SRD5A3: variants seen among roughly 807,000 people sequenced by gnomAD.
The protein encoded by SRD5A3 is polyprenal reductase.
SRD5A3 carries 24 observed loss-of-function variants against 34.3 expected under a neutral mutation model. The observed-to-expected ratio is 0.70, with a 90% CI of 0.51 to 0.99. SRD5A3 has a LOEUF of 0.99. Ranked by LOEUF, SRD5A3 falls within the 50% of genes least tolerant of loss-of-function variation. The probability of loss-of-function intolerance (pLI) is 0.00; values close to 1 mark genes in which losing one functional copy is unlikely to be tolerated. For missense variants in SRD5A3, 350 were observed against 388.2 expected, an observed-to-expected ratio of 0.90 and a Z score of 0.83; for synonymous variants, 161 against 167.3, an observed-to-expected ratio of 0.96 and a Z score of 0.29.
intron 1 of SRD5A3, among the ~76,000 whole-genome samples, chr4:55,357,071 A>T (rs964012603): frequency 1.3e-5 from 2 of 152,180 alleles, no homozygotes; most frequent in African/African-American, 4.8e-5. Flanking sequence ...ATCCACAGGG[A>T]TGACTCATTC....
At chr4:55,369,730 CAAA>C (rs3034884) in intron 4 of SRD5A3, 99 bp from the exon 5 acceptor site, 27,533 of 1,255,538 alleles carry the variant, frequency 0.022, 5 homozygotes, top group South Asian at 0.042. Flanking sequence ...GACTTTGCCT[CAAA>C]AAAAAAAAAA....
intron 1 of SRD5A3, among the ~76,000 whole-genome samples, chr4:55,354,623 C>T (rs953642913): frequency 1.3e-5 from 2 of 152,156 alleles, no homozygotes; most frequent in African/African-American, 4.8e-5. Flanking sequence ...GGCCTTTCCC[C>T]AGATAGCCAC....
chr4:55,359,751 C>T (rs180854941), intron 2 of SRD5A3, among the ~76,000 whole-genome samples: 1 of 152,308 alleles, frequency 6.6e-6, no homozygotes, highest in African/African-American at 2.4e-5. Flanking sequence ...GTGTGCAGAA[C>T]TGGCTGCCCT....
At chr4:55,349,192 G>A (rs1282946389) in intron 1 of SRD5A3, among the ~76,000 whole-genome samples, 1 of 152,036 alleles carries the variant, frequency 6.6e-6, no homozygotes, top group East Asian at 1.9e-4. Flanking sequence ...ACACCACCAT[G>A]CCTGGCTAAT....
At chr4:55,359,511 A>G (rs1719598211) in intron 2 of SRD5A3, 23 bp downstream of exon 2, 3 of 1,613,532 alleles carry the variant, frequency 1.9e-6, no homozygotes, top group Non-Finnish European at 2.5e-6. Flanking sequence ...TGGGCTTATG[A>G]CAACGCTGCA....
rs1718987534 is a variant in SRD5A3, at chr4:55,346,284, C to CGGGCTAGCGGGCGGTGGGG, written c.-51_-33dup. On this transcript the variant is annotated 5_prime_UTR_variant, in exon 1 of 5. Transcript: ENST00000264228. Reference sequence around the variant, plus strand: ...CCGCGCGCTAGTGGCCGCTCTTCCGCGGGCTAGCGGGCGGTGGGGGCGCCA... The same window carrying CGGGCTAGCGGGCGGTGGGG: ...CCGCGCGCTAGTGGCCGCTCTTCCGCGGGCTAGCGGGCGGTGGGGGGGCTAGCGGGCGGTGGGGGCGCCA... 1.5e-6 allele frequency: 2 copies of CGGGCTAGCGGGCGGTGGGG among 1,346,004 alleles called. No individual in the cohort carries two copies. Among genetic ancestry groups the CGGGCTAGCGGGCGGTGGGG allele is most frequent in the Non-Finnish European group, 1.9e-6 (2 of 1,051,846 alleles). The allele number at this position is 1,346,004 out of a possible 1,614,324, so 83.4% of individuals were successfully genotyped here. A position where few individuals can be genotyped will look rare whatever the true frequency, so the allele number is the denominator to read the frequency against.
intron 1 of SRD5A3, among the ~76,000 whole-genome samples, chr4:55,355,211 C>T (rs1719404833): frequency 6.6e-6 from 1 of 152,140 alleles, no homozygotes; most frequent in Non-Finnish European, 1.5e-5. Context: ...GTAATCCCAG[C>T]ACTTTGGGAG....
At chr4:55,355,599 C>T (rs918383051) in intron 1 of SRD5A3, among the ~76,000 whole-genome samples, 8 of 152,134 alleles carry the variant, frequency 5.3e-5, no homozygotes, top group African/African-American at 1.9e-4. Flanking sequence ...AGCTTAGCAA[C>T]TTACACAAAA....
At chr4:55,362,288 C>T (rs891539263) in intron 2 of SRD5A3, among the ~76,000 whole-genome samples, 3 of 151,698 alleles carry the variant, frequency 2.0e-5, no homozygotes, top group Non-Finnish European at 2.9e-5. Context: ...CCACCATGCC[C>T]GGCTAATTTT....
intron 2 of SRD5A3, among the ~76,000 whole-genome samples, chr4:55,363,186 C>A (rs1207793248): frequency 6.6e-6 from 1 of 152,018 alleles, no homozygotes; most frequent in Admixed American, 6.6e-5. Context: ...CGTGGTATCT[C>A]ACACCTAAAA....
intron 1 of SRD5A3, 183 bp from the exon 2 acceptor site, chr4:55,359,163 C>T (rs901128970): frequency 1.1e-5 from 8 of 734,020 alleles, no homozygotes; most frequent in South Asian, 5.2e-5. Context: ...TAACTGGTCC[C>T]GTTATTTGAA....
intron 4 of SRD5A3, chr4:55,369,595 G>A (rs1969380): frequency 1.8e-6 from 1 of 547,516 alleles, no homozygotes; most frequent in Admixed American, 3.3e-5. Context: ...GCCAGGCATG[G>A]TGATGCATAC....
intron 2 of SRD5A3, among the ~76,000 whole-genome samples, chr4:55,360,626 A>G (rs1196761513): frequency 1.3e-5 from 2 of 152,156 alleles, no homozygotes; most frequent in East Asian, 3.8e-4. Context: ...GTTGTTGAAC[A>G]GACGATTACA....
chr4:55,361,245 G>T (rs1023476481), intron 2 of SRD5A3, among the ~76,000 whole-genome samples: 1 of 152,072 alleles, frequency 6.6e-6, no homozygotes, highest in Non-Finnish European at 1.5e-5. Context: ...ACTTCAGGAG[G>T]CTGAGGTGAG....
chr4:55,347,050 C>A (rs1719024120), intron 1 of SRD5A3, among the ~76,000 whole-genome samples: 1 of 152,226 alleles, frequency 6.6e-6, no homozygotes, highest in African/African-American at 2.4e-5. Flanking sequence ...TCTTCCCAAC[C>A]CTTGCAGTGG....
intron 3 of SRD5A3, chr4:55,365,798 T>G (rs1280804189): frequency 6.6e-6 from 1 of 152,214 alleles, no homozygotes; most frequent in Non-Finnish European, 1.5e-5. Flanking sequence ...GAAAGTTGGT[T>G]TCAGTAATTC....
At position 55,359,376 on chromosome 4, in the gene SRD5A3, G is replaced by A; in HGVS notation, c.252G>A (p.Val84=). 6.2e-7 allele frequency: 1 copy of A among 1,613,954 alleles called. No individual in the cohort carries two copies. Among genetic ancestry groups the A allele is most frequent in the Non-Finnish European group, 8.5e-7 (1 of 1,180,008 alleles). Residue 84 remains valine (V), a synonymous_variant, in exon 2 of 5, where the codon GTG becomes GTA. Coordinates refer to ENST00000264228, the MANE Select transcript of SRD5A3 (RefSeq NM_024592.5). Reference sequence around the variant, plus strand: ...TTTCCCACTTTTATATCATCTCAGTGCTGTGGAATGGCTTCCTGCTTTGGT... The same window carrying A: ...TTTCCCACTTTTATATCATCTCAGTACTGTGGAATGGCTTCCTGCTTTGGT... ...RYFSHFYIIS[V]LWNGFLLWCL...
chr4:55,370,959 C>T lies in SRD5A3; in HGVS notation c.*868C>T, dbSNP rs1720106089. The T allele has an allele frequency of 6.6e-6, 1 of 152,146 alleles. No individual in the cohort carries two copies. Among genetic ancestry groups the T allele is most frequent in the South Asian group, 2.1e-4 (1 of 4,820 alleles). 9.4% of individuals were successfully genotyped at this position (152,146 alleles called of 1,614,324 possible). A position where few individuals can be genotyped will look rare whatever the true frequency, so the allele number is the denominator to read the frequency against. On this transcript the variant is annotated 3_prime_UTR_variant, in exon 5 of 5. Coordinates refer to ENST00000264228, the MANE Select transcript of SRD5A3 (RefSeq NM_024592.5). ...ACGAGTTTGTTGGAGTTAGTTTATA[C>T]TTTCACATATCACCACAAAGATCTC...
chr4:55,368,433 T>A (rs1389334982), intron 4 of SRD5A3, among the ~76,000 whole-genome samples: 1 of 146,126 alleles, frequency 6.8e-6, no homozygotes, highest in Non-Finnish European at 1.5e-5. Context: ...TATTTATTTA[T>A]TTAATTTTTG....
Sources: gnomAD v4.1 joint callset for allele counts (sites outside exome capture counted in the v4.1 genomes callset) on GRCh38, gnomAD v4.1.1 for gene constraint, MANE v1.5 for transcripts, NCBI Gene and HGNC (gene_info 2026-07-23, HGNC 2026-07-21) for gene names.